The following PDS5B variants were observed in gnomAD, a reference collection of about 807,000 sequenced individuals.
The protein encoded by PDS5B is PDS5 cohesin associated factor B, also known as sister chromatid cohesion protein PDS5 homolog B.
A neutral mutation model predicts 184.1 loss-of-function variants in PDS5B; 51 were observed. The ratio of observed to expected loss-of-function variants is 0.28; its 90% CI spans 0.22 to 0.35. The LOEUF is 0.35. PDS5B is among the 10% of genes least tolerant of loss of function. The pLI, the probability that PDS5B is intolerant of heterozygous loss-of-function variation, is 1.00. For synonymous variants in PDS5B, 566 were observed against 569.2 expected, an observed-to-expected ratio of 0.99 and a Z score of 0.08; for missense variants, 1,180 against 1,723.3, an observed-to-expected ratio of 0.68 and a Z score of 5.58.
chr13:32,658,136 T>C, intron 3 of PDS5B, 103 bp from the exon 4 acceptor site: 1 of 560,040 alleles, frequency 1.8e-6, no homozygotes, highest in South Asian at 2.8e-5. Context: ...TTATAGTTTA[T>C]TATGATATGT....
intron 1 of PDS5B, among the ~76,000 whole-genome samples, chr13:32,624,899 C>CT (rs891877010): frequency 1.5e-4 from 23 of 152,024 alleles, no homozygotes; most frequent in Non-Finnish European, 3.2e-4. Context: ...TCAATTTACC[C>CT]TTTTTTTGTG....
At chr13:32,757,548 T>C (rs1954227763) in intron 26 of PDS5B, among the ~76,000 whole-genome samples, 1 of 152,240 alleles carries the variant, frequency 6.6e-6, no homozygotes, top group Admixed American at 6.5e-5. Flanking sequence ...AGTTTAAAAC[T>C]GAGCTACTGA....
chr13:32,681,958 A>G (rs1323298287), intron 10 of PDS5B, among the ~76,000 whole-genome samples: 1 of 152,236 alleles, frequency 6.6e-6, no homozygotes, highest in African/African-American at 2.4e-5. Flanking sequence ...GAAGTCATTT[A>G]TAATAAAGTA....
chr13:32,723,286 G>A (rs756450517), intron 19 of PDS5B, among the ~76,000 whole-genome samples: 1 of 152,148 alleles, frequency 6.6e-6, no homozygotes, highest in Admixed American at 6.5e-5. Flanking sequence ...AGAAATTTTA[G>A]GAGTGTTCAC....
At chr13:32,632,643 T>TA (rs1360388662) in intron 1 of PDS5B, among the ~76,000 whole-genome samples, 1 of 152,238 alleles carries the variant, frequency 6.6e-6, no homozygotes, top group Non-Finnish European at 1.5e-5. Context: ...ATTCCACTGC[T>TA]AGCTGTGTGC....
chr13:32,719,007 G>A (rs1305385319), intron 19 of PDS5B, among the ~76,000 whole-genome samples: 1 of 152,154 alleles, frequency 6.6e-6, no homozygotes, highest in African/African-American at 2.4e-5. Context: ...ATATATTCCA[G>A]AAGAATCAAA....
At chr13:32,630,331 C>T (rs1374690064) in intron 1 of PDS5B, among the ~76,000 whole-genome samples, 7 of 152,126 alleles carry the variant, frequency 4.6e-5, no homozygotes, top group Admixed American at 3.9e-4. Flanking sequence ...TGATTTTGCC[C>T]TGCAGGGGAC....
intron 17 of PDS5B, among the ~76,000 whole-genome samples, chr13:32,705,251 T>G (rs893051903): frequency 6.6e-6 from 1 of 152,224 alleles, no homozygotes; most frequent in Non-Finnish European, 1.5e-5. Flanking sequence ...AGTTTACTTT[T>G]GGAAATGTGA....
chr13:32,688,248 G>C (rs576423349), intron 12 of PDS5B, among the ~76,000 whole-genome samples: 1 of 152,058 alleles, frequency 6.6e-6, no homozygotes, highest in Non-Finnish European at 1.5e-5. Flanking sequence ...TCTTAGCTGG[G>C]TGTAGGGCTG....
intron 31 of PDS5B, among the ~76,000 whole-genome samples, chr13:32,768,498 A>T (rs1954656707): frequency 6.6e-6 from 1 of 152,118 alleles, no homozygotes; most frequent in South Asian, 2.1e-4. Context: ...CAAAGCAAGT[A>T]AGAAATAACA....
intron 1 of PDS5B, among the ~76,000 whole-genome samples, chr13:32,638,415 A>C (rs567383983): frequency 6.6e-6 from 1 of 152,278 alleles, no homozygotes; most frequent in South Asian, 2.1e-4. Flanking sequence ...GATGAGGTGG[A>C]GTGTGCGGGT....
intron 1 of PDS5B, among the ~76,000 whole-genome samples, chr13:32,630,374 C>T (rs1182122593): frequency 6.6e-6 from 1 of 152,060 alleles, no homozygotes; most frequent in Non-Finnish European, 1.5e-5. Flanking sequence ...TTTTGGTTGT[C>T]ACAACTGGGG....
chr13:32,709,809 A>G (rs1376326132), intron 18 of PDS5B, 137 bp from the exon 19 acceptor site: 1 of 413,750 alleles, frequency 2.4e-6, no homozygotes, highest in Non-Finnish European at 4.2e-6. Context: ...AATTTTATTT[A>G]TAGTGCTCTC....
chr13:32,643,366 T>A (rs945159217), intron 1 of PDS5B, among the ~76,000 whole-genome samples: 1 of 152,192 alleles, frequency 6.6e-6, no homozygotes, highest in African/African-American at 2.4e-5. Flanking sequence ...ACTTTGCCTT[T>A]ATATTTAAGT....
chr13:32,613,266 T>G (rs1260112283), intron 1 of PDS5B, among the ~76,000 whole-genome samples: 2 of 152,360 alleles, frequency 1.3e-5, no homozygotes, highest in East Asian at 1.9e-4. Context: ...GGAGTAGAAT[T>G]GCTGGATCAC....
At chr13:32,696,791 A>C in intron 14 of PDS5B, 63 bp from the exon 15 acceptor site, 1 of 1,137,372 alleles carries the variant, frequency 8.8e-7, no homozygotes, top group Admixed American at 1.9e-5. Context: ...AATTTTTTGC[A>C]GAGTATGATG....
At chr13:32,635,170 GTTTTTTTTTTTTTTT>G (rs71071054) in intron 1 of PDS5B, among the ~76,000 whole-genome samples, 90 of 81,062 alleles carry the variant, frequency 1.1e-3, no homozygotes, top group African/African-American at 3.1e-3. Context: ...AGCCAATTAC[GTTTTTTTTTTTTTTT>G]TTTTTTTTTT....
chr13:32,742,473 GAATTTTTTCTTTTCTTAAA>G, intron 22 of PDS5B, 99 bp from the exon 23 acceptor site: 7 of 772,846 alleles, frequency 9.1e-6, no homozygotes, highest in Non-Finnish European at 1.4e-5. Flanking sequence ...ATACAGAAAA[GAATTTTTTCTTTTCTTAAA>G]AAGCATCCAT....
intron 1 of PDS5B, among the ~76,000 whole-genome samples, chr13:32,610,475 A>C (rs2058124042): frequency 6.6e-6 from 1 of 152,172 alleles, no homozygotes. Context: ...AGTTACTCTG[A>C]TATTTTGCAT....
Sources: gnomAD v4.1 joint callset for allele counts (sites outside exome capture counted in the v4.1 genomes callset) on GRCh38, gnomAD v4.1.1 for gene constraint, MANE v1.5 for transcripts, NCBI Gene and HGNC (gene_info 2026-07-23, HGNC 2026-07-21) for gene names.